PTPRR: variants seen among roughly 807,000 people sequenced by gnomAD.
The protein encoded by PTPRR is receptor-type tyrosine-protein phosphatase R.
PTPRR carries 38 observed loss-of-function variants against 77.2 expected under a neutral mutation model. The observed-to-expected ratio is 0.49, with a 90% CI of 0.38 to 0.65. The LOEUF (loss-of-function observed/expected upper bound fraction) is 0.65, where lower values mean the gene tolerates loss of function less well. PTPRR is among the 30% of genes least tolerant of loss of function. The pLI is 0.00. For synonymous variants in PTPRR, 299 were observed against 283.1 expected (o/e 1.06, Z -0.57); for missense variants, 744 against 799.2 (o/e 0.93, Z 0.83).
intron 2 of PTPRR, among the ~76,000 whole-genome samples, chr12:70,864,412 C>T (rs1416475528): frequency 6.6e-6 from 1 of 152,150 alleles, no homozygotes; most frequent in Non-Finnish European, 1.5e-5. Flanking sequence ...GAGAGGGTCA[C>T]ATGATCAATA....
At chr12:70,722,540 A>G (rs571131896) in intron 6 of PTPRR, among the ~76,000 whole-genome samples, 1 of 152,144 alleles carries the variant, frequency 6.6e-6, no homozygotes, top group African/African-American at 2.4e-5. Context: ...AAGAAGCTTG[A>G]CTTGGAGGGA....
chr12:70,638,832 A>G lies in PTPRR; in HGVS notation c.*352T>C, dbSNP rs1404307546. On this transcript the variant is annotated 3_prime_UTR_variant, in exon 14 of 14. Transcript: ENST00000283228. ...ATAATACGAATGTCTTCAGCAGCTC[A>G]TCCAGTCATCACCTGATGACATTTA... 4 of 189,614 alleles carry G rather than the reference A, an allele frequency of 2.1e-5. No individual in the cohort carries two copies. The East Asian group carries it at 5.4e-4, about 26-fold the overall frequency. 11.7% of individuals were successfully genotyped at this position (189,614 alleles called of 1,614,324 possible).
At chr12:70,881,138 A>T (rs950397014) in intron 2 of PTPRR, among the ~76,000 whole-genome samples, 1 of 152,222 alleles carries the variant, frequency 6.6e-6, no homozygotes, top group Non-Finnish European at 1.5e-5. Flanking sequence ...AACAGAAATG[A>T]ACTTGATGGC....
chr12:70,765,865 G>A lies in PTPRR; in HGVS notation c.358-1087C>T, dbSNP rs554467675. On this transcript the variant is annotated intron_variant, in intron 2 of 13. Coordinates refer to ENST00000283228, the MANE Select transcript of PTPRR (RefSeq NM_002849.4). The stretch of plus-strand genomic sequence containing the variant: ...AGCATTCGCAGTTCACAAACATCTG[G>A]TGTTCTGCAGCCACCGCTGCTATTA... Among the ~76,000 whole-genome samples the A allele has an allele frequency of 2.1e-3, 323 of 152,240 alleles. 1 individual carries two copies. Among genetic ancestry groups the A allele is most frequent in the African/African-American group, 7.5e-3 (311 of 41,558 alleles).
rs771777071 is a variant in PTPRR, at chr12:70,764,796, A to C, written c.358-18T>G. 10 of 1,533,284 alleles carry C rather than the reference A, an allele frequency of 6.5e-6. No individual in the cohort carries two copies. The East Asian group carries it at 2.2e-4, about 34-fold the overall frequency. 95.0% of individuals were successfully genotyped at this position (1,533,284 alleles called of 1,614,324 possible). A position where few individuals can be genotyped will look rare whatever the true frequency, so the allele number is the denominator to read the frequency against. ...TGCAGTGTCTAGAAAATAAGGACAA[A>C]AATAAATCCAAATTATAGTATTAAT... On this transcript the variant is annotated intron_variant, in intron 2 of 13. Transcript: ENST00000283228.
intron 7 of PTPRR, 78 bp from the exon 8 acceptor site, chr12:70,698,427 A>G: frequency 7.8e-7 from 1 of 1,274,240 alleles, no homozygotes; most frequent in Non-Finnish European, 1.1e-6. Flanking sequence ...CATCTGATCC[A>G]GAGTTCTATT....
intron 3 of PTPRR, among the ~76,000 whole-genome samples, chr12:70,763,150 T>A (rs1208856630): frequency 6.6e-6 from 1 of 151,930 alleles, no homozygotes; most frequent in South Asian, 2.1e-4. Flanking sequence ...TTTTTTGAGA[T>A]GGAGTTTCGC....
At chr12:70,898,437 C>T (rs955968349) in intron 1 of PTPRR, among the ~76,000 whole-genome samples, 1 of 149,626 alleles carries the variant, frequency 6.7e-6, no homozygotes, top group Non-Finnish European at 1.5e-5. Context: ...TTCTTTTCAT[C>T]ATCATTTAGT....
At chr12:70,895,304 T>C (rs1285818568) in intron 1 of PTPRR, among the ~76,000 whole-genome samples, 1 of 151,660 alleles carries the variant, frequency 6.6e-6, no homozygotes, top group Non-Finnish European at 1.5e-5. Flanking sequence ...ATTACACAAA[T>C]ATCTTCAATC....
chr12:70,908,666 C>T (rs1378285742), intron 1 of PTPRR, among the ~76,000 whole-genome samples: 1 of 152,096 alleles, frequency 6.6e-6, no homozygotes, highest in Non-Finnish European at 1.5e-5. Flanking sequence ...ACAGCCAAAC[C>T]GTATCAATGG....
At chr12:70,837,485 TG>T (rs1892324682) in intron 2 of PTPRR, among the ~76,000 whole-genome samples, 1 of 152,142 alleles carries the variant, frequency 6.6e-6, no homozygotes, top group Admixed American at 6.6e-5. Flanking sequence ...ATGTGGGGGT[TG>T]TCCTCCACAC....
At chr12:70,767,590 A>G (rs900940756) in intron 2 of PTPRR, among the ~76,000 whole-genome samples, 4 of 152,172 alleles carry the variant, frequency 2.6e-5, no homozygotes, top group African/African-American at 9.7e-5. Context: ...CCCACTGTCA[A>G]CATTAGACAG....
chr12:70,678,868 G>C (rs1471779036), intron 10 of PTPRR, among the ~76,000 whole-genome samples: 1 of 151,996 alleles, frequency 6.6e-6, no homozygotes, highest in Non-Finnish European at 1.5e-5. Flanking sequence ...TTTTAGTAGA[G>C]ACAGGGTTTC....
In PTPRR at chr12:70,835,642, C is replaced by T. The variant is rs1592784813; in HGVS notation, c.357+57037G>A. Among the ~76,000 whole-genome samples the T allele has an allele frequency of 2.0e-5, 3 of 152,092 alleles. No homozygotes were observed. In the East Asian group the frequency reaches 5.8e-4, roughly 29 times the overall value. The stretch of plus-strand genomic sequence containing the variant: ...GAAAACTGGTAGAGCACACATGTTT[C>T]TCTACTTTAATAGTCTCTCTAGGTA... On this transcript the variant is annotated intron_variant, in intron 2 of 13. Transcript: ENST00000283228.
At chr12:70,752,362 T>G (rs1441589752) in intron 5 of PTPRR, among the ~76,000 whole-genome samples, 1 of 152,152 alleles carries the variant, frequency 6.6e-6, no homozygotes, top group Non-Finnish European at 1.5e-5. Flanking sequence ...TTCCCTAAGT[T>G]TCTGACCTTT....
At chr12:70,832,487 A>G (rs1892231094) in intron 2 of PTPRR, among the ~76,000 whole-genome samples, 1 of 152,188 alleles carries the variant, frequency 6.6e-6, no homozygotes, top group African/African-American at 2.4e-5. Context: ...AATTCAAGTC[A>G]TTTGATGTGA....
chr12:70,820,320 G>A (rs2458445), intron 2 of PTPRR, among the ~76,000 whole-genome samples: 30,955 of 152,038 alleles, frequency 0.2, 5,047 homozygotes, highest in African/African-American at 0.45. Flanking sequence ...GCTCCCCTGA[G>A]CTCTTTTTTC....
intron 2 of PTPRR, among the ~76,000 whole-genome samples, chr12:70,847,052 C>G (rs17108892): frequency 0.016 from 2,416 of 152,194 alleles, 78 homozygotes; most frequent in African/African-American, 0.055. Flanking sequence ...TCTTGTGAAA[C>G]TCAATGATGG....
chr12:70,889,676 G>A (rs1893300665), intron 2 of PTPRR, among the ~76,000 whole-genome samples: 2 of 152,050 alleles, frequency 1.3e-5, no homozygotes, highest in Admixed American at 1.3e-4. Flanking sequence ...TGTGCTCACA[G>A]AATGCTTCCT....
Sources: allele counts gnomAD v4.1 joint callset (sites outside exome capture counted in the v4.1 genomes callset), GRCh38; gene constraint gnomAD v4.1.1; transcripts MANE v1.5; gene names NCBI Gene and HGNC (gene_info 2026-07-23, HGNC 2026-07-21).